The following ZDHHC11 variants were observed in gnomAD, a reference collection of about 807,000 sequenced individuals.
ZDHHC11 encodes palmitoyltransferase ZDHHC11.
A neutral mutation model predicts 51.3 loss-of-function variants in ZDHHC11; 44 were observed. The ratio of observed to expected loss-of-function variants is 0.86; its 90% CI spans 0.67 to 1.10. ZDHHC11 has a LOEUF of 1.10. Among genes scored for constraint, ZDHHC11 ranks in the 50% least tolerant of loss-of-function variants. The probability of loss-of-function intolerance (pLI) is 0.00; values close to 1 mark genes in which losing one functional copy is unlikely to be tolerated. For missense variants in ZDHHC11, 400 were observed against 537.7 expected, an observed-to-expected ratio of 0.74 and a Z score of 2.53; for synonymous variants, 163 against 222.0, an observed-to-expected ratio of 0.73 and a Z score of 2.36.
intron 1 of ZDHHC11, among the ~76,000 whole-genome samples, chr5:857,320 C>T (rs1242018666): frequency 1.3e-5 from 2 of 152,194 alleles, no homozygotes; most frequent in Admixed American, 1.3e-4. Context: ...AGACAGCCCC[C>T]TTCTCAGACT....
intron 1 of ZDHHC11, among the ~76,000 whole-genome samples, chr5:858,581 T>C (rs1748609919): frequency 6.6e-6 from 1 of 152,134 alleles, no homozygotes; most frequent in African/African-American, 2.4e-5. Flanking sequence ...CCCCTGAGCA[T>C]ATCCTCACTC....
chr5:802,650 G>A (rs1271683341), intron 11 of ZDHHC11, among the ~76,000 whole-genome samples: 6 of 149,916 alleles, frequency 4.0e-5, no homozygotes, highest in African/African-American at 7.3e-5. Context: ...CTGCAACCTG[G>A]TCAGACATCT....
chr5:816,501 A>T (rs892659277), intron 10 of ZDHHC11: 1 of 510,282 alleles, frequency 2.0e-6, no homozygotes, highest in African/African-American at 1.9e-5. Flanking sequence ...AGTGGGATGG[A>T]TCAGCTGTGA....
rs70957306 is a variant in ZDHHC11, at chr5:802,825, C to CAAAAAAAAAAAAAA, written c.1182-1675_1182-1662dup. 2.1e-4 allele frequency among the ~76,000 whole-genome samples: 4 copies of CAAAAAAAAAAAAAA among 19,100 alleles called. 1 individual carries two copies. The highest frequency in any genetic ancestry group is 9.1e-4 in the East Asian group (1 of 1,100). The allele number at this position is 19,100 out of a possible 152,430, so 12.5% of individuals were successfully genotyped here. A position where few individuals can be genotyped will look rare whatever the true frequency, so the allele number is the denominator to read the frequency against. On this transcript the variant is annotated intron_variant, in intron 11 of 12. Coordinates refer to ENST00000283441, the MANE Select transcript of ZDHHC11 (RefSeq NM_024786.3). ...TGTCTCTACTAAAAATACAAAAATA[C>CAAAAAAAAAAAAAA]AAAAAAAAAAAAAAAAAAAAAAAAA...
rs73730970 is a variant in ZDHHC11, at chr5:848,946, C to G, written c.223-286G>C. Among the ~76,000 whole-genome samples, 446 of 151,916 alleles carry G rather than the reference C, an allele frequency of 2.9e-3. 4 individuals carry two copies. The highest frequency in any genetic ancestry group is 1.0e-2 in the African/African-American group (414 of 41,404). ...AGCCCTGCACAGCCAGCCCTGCACA[C>G]CCAGCCCTGCTCACCCGAGCCCAGC... On this transcript the variant is annotated intron_variant, in intron 1 of 12. Transcript: ENST00000283441.
At chr5:818,389 C>A (rs1456126670) in intron 10 of ZDHHC11, among the ~76,000 whole-genome samples, 3 of 151,736 alleles carry the variant, frequency 2.0e-5, no homozygotes, top group African/African-American at 7.3e-5. Flanking sequence ...AGGGGCAAGG[C>A]TTGGACGCCA....
chr5:821,949 T>TA (rs1352809435), intron 8 of ZDHHC11, 54 bp from the exon 9 acceptor site: 20 of 1,510,698 alleles, frequency 1.3e-5, no homozygotes, highest in Admixed American at 5.7e-5. Context: ...AACTTATTCT[T>TA]AAAAAAAATT....
rs1194967456 is a variant in ZDHHC11 at position 806,258 on chromosome 5, A to C, written c.1182-5094T>G. ...AGAAATAGACTCAAATATGTGCATA[A>C]ATGGAATTCAGGACAGAAGAAGCTT... On this transcript the variant is annotated intron_variant, in intron 11 of 12. Transcript: ENST00000283441. Among the ~76,000 whole-genome samples, 4 of 151,096 alleles carry C rather than the reference A, an allele frequency of 2.6e-5. 1 individual carries two copies.
chr5:854,979 G>C (rs867094701), upstream of ZDHHC11, among the ~76,000 whole-genome samples: 26 of 151,216 alleles, frequency 1.7e-4, no homozygotes, highest in African/African-American at 6.1e-4. Context: ...ACCCCACGGA[G>C]GACAGCGAGC....
chr5:803,025 A>T (rs1738709586), intron 11 of ZDHHC11, among the ~76,000 whole-genome samples: 1 of 149,894 alleles, frequency 6.7e-6, no homozygotes, highest in African/African-American at 2.4e-5. Flanking sequence ...TATCTCAAAA[A>T]AAAAAAAGAA....
chr5:812,982 A>C (rs1740289369), intron 11 of ZDHHC11, among the ~76,000 whole-genome samples: 1 of 141,216 alleles, frequency 7.1e-6, no homozygotes, highest in Non-Finnish European at 1.5e-5. Context: ...TGATACAATT[A>C]GCATGTAACA....
In ZDHHC11 at chr5:825,223, G is replaced by A. The variant is rs2335582; in HGVS notation, c.964C>T (p.His322Tyr). 32 of 1,611,834 alleles carry A rather than the reference G, an allele frequency of 2.0e-5. 1 individual carries two copies. The highest frequency in any genetic ancestry group is 1.9e-4 in the South Asian group (17 of 90,564). ...GVKAKSSLLI[H>Y]KHLCHFCTSV... is the part of the protein sequence containing the mutation. ...GTGCAGAAGTGACATAAGTGCTTGT[G>A]AATCAGCAGGGAGCTCTTGGCTTTG... is the stretch of plus-strand genomic sequence containing the variant. Residue 322 changes from histidine to tyrosine, a missense_variant, in exon 8 of 13, where the codon CAC becomes TAC. By Grantham distance (83) the His-to-Tyr change is moderately conservative. Around this residue, in one of 5 missense-constraint regions of ZDHHC11, gnomAD observed 231 missense variants for 227.4 expected, o/e 1.02. Coordinates refer to ENST00000283441, the MANE Select transcript of ZDHHC11 (RefSeq NM_024786.3).
intron 3 of ZDHHC11, among the ~76,000 whole-genome samples, chr5:846,255 G>A (rs1233468212): frequency 6.6e-6 from 1 of 151,164 alleles, no homozygotes; most frequent in African/African-American, 2.4e-5. Context: ...GCAGGGCAGG[G>A]ACCGCCCGGT....
intron 10 of ZDHHC11, chr5:817,042 G>T (rs1740897277): frequency 5.1e-6 from 1 of 194,966 alleles, no homozygotes; most frequent in Non-Finnish European, 1.1e-5. Context: ...TGCCCTGGGG[G>T]GTAGGGGAGA....
intron 11 of ZDHHC11, among the ~76,000 whole-genome samples, chr5:801,807 T>C (rs556207926): frequency 3.3e-5 from 5 of 151,304 alleles, no homozygotes; most frequent in Non-Finnish European, 4.4e-5. Flanking sequence ...TTGAAAGATT[T>C]TGAAAGACCC....
chr5:850,002 G>A (rs1746905504), intron 1 of ZDHHC11, among the ~76,000 whole-genome samples: 1 of 152,240 alleles, frequency 6.6e-6, no homozygotes, highest in Non-Finnish European at 1.5e-5. Context: ...CTGCCGACCT[G>A]CGGGGCATGG....
At chr5:817,591 T>TA (rs1056605598) in intron 10 of ZDHHC11, among the ~76,000 whole-genome samples, 3 of 151,434 alleles carry the variant, frequency 2.0e-5, no homozygotes, top group Non-Finnish European at 4.4e-5. Context: ...TATTTAGTAT[T>TA]AAAAAAACAT....
intron 7 of ZDHHC11, among the ~76,000 whole-genome samples, chr5:827,966 A>G (rs1742518566): frequency 6.6e-6 from 1 of 151,196 alleles, no homozygotes. Flanking sequence ...GCCTTCAAGC[A>G]TCTGTTTAAC....
intron 7 of ZDHHC11, among the ~76,000 whole-genome samples, chr5:830,210 G>A (rs1579673221): frequency 1.0e-5 from 1 of 97,188 alleles, no homozygotes; most frequent in South Asian, 3.8e-4. Context: ...GTTCACTGAT[G>A]ATATGGTTGT....
Sources: allele counts gnomAD v4.1 joint callset (sites outside exome capture counted in the v4.1 genomes callset), GRCh38; gene constraint gnomAD v4.1.1; regional missense constraint gnomAD v4.1.1; transcripts MANE v1.5; gene names NCBI Gene and HGNC (gene_info 2026-07-23, HGNC 2026-07-21).